Variants in NEK9 observed in about 807,000 individuals in gnomAD.
NEK9 encodes serine/threonine-protein kinase Nek9.
NEK9 carries 75 observed loss-of-function variants against 123.4 expected under a neutral mutation model. The ratio of observed to expected loss-of-function variants is 0.61; its 90% CI spans 0.50 to 0.74. The LOEUF (loss-of-function observed/expected upper bound fraction) is 0.74. Ranked by LOEUF, NEK9 falls within the 30% of genes least tolerant of loss-of-function variation. The probability of loss-of-function intolerance (pLI) is 0.00; values close to 1 mark genes in which losing one functional copy is unlikely to be tolerated. For synonymous variants in NEK9, 438 were observed against 458.7 expected (o/e 0.95, Z 0.58); for missense variants, 952 against 1,214.4 (o/e 0.78, Z 3.21).
intron 19 of NEK9, among the ~76,000 whole-genome samples, chr14:75,090,717 GCACA>G (rs1894188429): frequency 6.6e-6 from 1 of 151,846 alleles, no homozygotes; most frequent in East Asian, 1.9e-4. Flanking sequence ...AACTATAGGT[GCACA>G]CTACTACACC....
chr14:75,117,133 T>C, intron 6 of NEK9, 62 bp downstream of exon 6: 1 of 1,550,198 alleles, frequency 6.5e-7, no homozygotes, highest in Non-Finnish European at 8.7e-7. Flanking sequence ...GTTGATCTGC[T>C]TAGTCAAGCT....
rs764005460 is a variant in NEK9 at position 75,114,239 on chromosome 14, C to T, written c.837G>A (p.Leu279=). ...ACGAATGAACCATTTGGATCAATTC[C>T]AAAGAGTACTGGCTAGAGTCAACTT... is the stretch of plus-strand genomic sequence containing the variant. ...AMEVDSSQYS[L]ELIQMVHSCL... Residue 279 remains leucine (L), a synonymous_variant, in exon 7 of 22, where the codon TTG becomes TTA. Transcript: ENST00000238616. 1.9e-6 allele frequency: 3 copies of T among 1,614,002 alleles called. No homozygotes were observed. The South Asian group carries it at 3.3e-5, about 18-fold the overall frequency.
At chr14:75,122,180 A>G (rs1385998203) in intron 2 of NEK9, among the ~76,000 whole-genome samples, 2 of 151,766 alleles carry the variant, frequency 1.3e-5, no homozygotes, top group Non-Finnish European at 2.9e-5. Context: ...GCAACTTAAT[A>G]ACTCAGTTTC....
chr14:75,120,547 C>T lies in NEK9; in HGVS notation c.487G>A (p.Ala163Thr). The T allele has an allele frequency of 6.2e-7, 1 of 1,612,728 alleles. No individual in the cohort carries two copies. Among genetic ancestry groups the T allele is most frequent in the South Asian group, 1.1e-5 (1 of 90,944 alleles). Residue 163 changes from alanine to threonine, a missense_variant, in exon 4 of 22, where the codon GCA becomes ACA. Physicochemically the swap from Ala to Thr is moderately conservative, Grantham distance 58 (BLOSUM62 0). This residue lies in a region of NEK9 where 106 missense variants were observed against 153.0 expected (regional missense o/e 0.69). Transcript: ENST00000238616. ...VVWYLFQIVSAVSCIHKAGIL... is the reference protein window; with the variant it reads ...VVWYLFQIVSTVSCIHKAGIL... The stretch of plus-strand genomic sequence containing the variant: ...CCAGCTTTATGGATGCAGCTCACTG[C>T]TGAAACAATCTGAAATAGGTACCAC...
chr14:75,091,764 C>T, intron 18 of NEK9: 1 of 286,878 alleles, frequency 3.5e-6, no homozygotes, highest in Admixed American at 5.2e-5. Flanking sequence ...ATTCTAAAAG[C>T]ATTACCAAAC....
At chr14:75,096,047 G>T (rs1327007766) in intron 17 of NEK9, among the ~76,000 whole-genome samples, 1 of 152,054 alleles carries the variant, frequency 6.6e-6, no homozygotes, top group African/African-American at 2.4e-5. Context: ...ACTTTGGGAG[G>T]CCGAGGCAGG....
At chr14:75,121,066 G>C in intron 3 of NEK9, 53 bp downstream of exon 3, 1 of 1,386,128 alleles carries the variant, frequency 7.2e-7, no homozygotes, top group Non-Finnish European at 1.0e-6. Flanking sequence ...GAACTAGAAT[G>C]CAAGAATTAC....
Position 75,096,950 on chromosome 14 carries a change from C to T in NEK9, c.2173+150G>A, listed in dbSNP as rs75284372. On this transcript the variant is annotated intron_variant, in intron 17 of 21. Coordinates refer to ENST00000238616, the MANE Select transcript of NEK9 (RefSeq NM_033116.6). Reference sequence around the variant, plus strand: ...AGGAAATGACAATGTTCTGTTCCCACCACTAGGCATGGCATCCTTGACCAT... The same window carrying T: ...AGGAAATGACAATGTTCTGTTCCCATCACTAGGCATGGCATCCTTGACCAT... 2.9e-3 allele frequency: 1,587 copies of T among 548,090 alleles called. 31 individuals are homozygous for T. In the East Asian group the frequency reaches 0.038, roughly 13 times the overall value. 34.0% of individuals were successfully genotyped at this position (548,090 alleles called of 1,614,324 possible). A position where few individuals can be genotyped will look rare whatever the true frequency, so the allele number is the denominator to read the frequency against.
In NEK9 at chr14:75,095,138, T is replaced by TA. The variant is rs1432027579; in HGVS notation, c.2233+233dup. ...ATATTACAGTACTGGGCAAGCTACT[T>TA]AATTACTTGCATATGCGTTGGAGGC... is the stretch of plus-strand genomic sequence containing the variant. On this transcript the variant is annotated intron_variant, in intron 18 of 21. Coordinates refer to ENST00000238616, the MANE Select transcript of NEK9 (RefSeq NM_033116.6). Among the ~76,000 whole-genome samples, 5 of 152,354 alleles carry TA rather than the reference T, an allele frequency of 3.3e-5. No homozygotes were observed. In the East Asian group the frequency reaches 7.7e-4, roughly 23 times the overall value.
At chr14:75,085,614 T>C (rs1893996506) in intron 21 of NEK9, among the ~76,000 whole-genome samples, 1 of 152,162 alleles carries the variant, frequency 6.6e-6, no homozygotes, top group Non-Finnish European at 1.5e-5. Context: ...AAAGACAGGG[T>C]GACAGAAAAA....
chr14:75,084,631 G>A lies in NEK9; in HGVS notation c.2873C>T (p.Pro958Leu), dbSNP rs935877965. The change falls in exon 22 of 22, where the codon CCA becomes CTA. Residue 958 changes from proline (P) to leucine (L), a missense_variant. Transcript: ENST00000238616. ...QTAKEEMEMD[P>L]KPDLDSDSWC... ...GGAATCTGAATCTAAGTCAGGCTTT[G>A]GATCCATTTCCATCTCTTCCTTTGC... The A allele has an allele frequency of 3.1e-6, 5 of 1,614,016 alleles. No individual in the cohort carries two copies. The African/African-American group carries it at 6.7e-5, about 22-fold the overall frequency.
intron 18 of NEK9, among the ~76,000 whole-genome samples, chr14:75,093,354 C>G (rs148624234): frequency 1.5e-3 from 230 of 152,352 alleles, no homozygotes; most frequent in African/African-American, 5.3e-3. Context: ...TGGCCTCCTA[C>G]CCAGATGAAA....
At chr14:75,114,450 T>C (rs768371610) in intron 6 of NEK9, 137 bp from the exon 7 acceptor site, 10 of 665,008 alleles carry the variant, frequency 1.5e-5, no homozygotes, top group South Asian at 3.8e-5. Flanking sequence ...TAACTACTAG[T>C]ATGCATCAAA....
chr14:75,083,500 AATG>A lies in NEK9; in HGVS notation c.*1061_*1063del. ...GGCTTTGGGCCACTCAGGTAGGAAA[AATG>A]ATACAGATTCATTCGTTACCACATG... On this transcript the variant is annotated 3_prime_UTR_variant, in exon 22 of 22. Coordinates refer to ENST00000238616, the MANE Select transcript of NEK9 (RefSeq NM_033116.6). 1 of 163,032 alleles carries A rather than the reference AATG, an allele frequency of 6.1e-6. No individual in the cohort carries two copies. Among genetic ancestry groups the A allele is most frequent in the Admixed American group, 6.4e-5 (1 of 15,588 alleles). The allele number at this position is 163,032 out of a possible 1,614,324, so 10.1% of individuals were successfully genotyped here. A position where few individuals can be genotyped will look rare whatever the true frequency, so the allele number is the denominator to read the frequency against.
rs1895233988 is a variant in NEK9, at chr14:75,118,996, GC to G, written c.525-62del. On this transcript the variant is annotated intron_variant, in intron 4 of 21. Coordinates refer to ENST00000238616, the MANE Select transcript of NEK9 (RefSeq NM_033116.6). ...AGATAATTGTTTTATTTCATCCCCC[GC>G]CTTGCCCAGGATTATTACAGAATAA... 5.4e-6 allele frequency: 5 copies of G among 932,710 alleles called. No homozygotes were observed. In the East Asian group the frequency reaches 1.2e-4, roughly 23 times the overall value. The allele number at this position is 932,710 out of a possible 1,614,324, so 57.8% of individuals were successfully genotyped here.
rs866201114 is a variant in NEK9 at position 75,099,519 on chromosome 14, C to T, written c.2002+1473G>A. On this transcript the variant is annotated intron_variant, in intron 16 of 21. Transcript: ENST00000238616. ...AGGAGTGACCAGGAGTGGTGGCTCA[C>T]GCCTATAATCCCAGCACTTTCGGAG... Among the ~76,000 whole-genome samples the T allele has an allele frequency of 3.3e-5, 5 of 152,202 alleles. No homozygotes were observed. In the South Asian group the frequency reaches 1.0e-3, roughly 32 times the overall value.
At chr14:75,090,173 T>C (rs1894167751) in intron 19 of NEK9, among the ~76,000 whole-genome samples, 1 of 151,378 alleles carries the variant, frequency 6.6e-6, no homozygotes, top group Admixed American at 6.6e-5. Flanking sequence ...AGATGGGGTC[T>C]CCCTATGTTG....
At chr14:75,107,023 AAAACT>A (rs1258073879) in intron 11 of NEK9, among the ~76,000 whole-genome samples, 9 of 152,168 alleles carry the variant, frequency 5.9e-5, no homozygotes, top group African/African-American at 2.2e-4. Context: ...TGACAAGACC[AAAACT>A]AAACTTAGGT....
chr14:75,082,240 C>T lies in NEK9; in HGVS notation c.*2324G>A, dbSNP rs1893887040. The T allele has an allele frequency of 6.6e-6, 1 of 152,210 alleles. No individual in the cohort carries two copies. The allele number at this position is 152,210 out of a possible 1,614,324, so 9.4% of individuals were successfully genotyped here. The stretch of plus-strand genomic sequence containing the variant: ...CAACAATGTTAGAGCAGAGGAGTAA[C>T]TCAGGTTATACTGTAACTCAAAAGC... On this transcript the variant is annotated 3_prime_UTR_variant, in exon 22 of 22. Transcript: ENST00000238616.
Sources: allele counts gnomAD v4.1 joint callset (sites outside exome capture counted in the v4.1 genomes callset), GRCh38; gene constraint gnomAD v4.1.1; regional missense constraint gnomAD v4.1.1; transcripts MANE v1.5; gene names NCBI Gene and HGNC (gene_info 2026-07-23, HGNC 2026-07-21).